ZBTB8A: variants seen among roughly 807,000 people sequenced by gnomAD.
ZBTB8A encodes the protein zinc finger and BTB domain-containing protein 8A.
ZBTB8A carries 19 observed loss-of-function variants against 37.8 expected under a neutral mutation model. The ratio of observed to expected loss-of-function variants is 0.50; its 90% CI spans 0.35 to 0.74. The LOEUF (loss-of-function observed/expected upper bound fraction) is 0.74. ZBTB8A is among the 30% of genes least tolerant of loss of function. The pLI, the probability that ZBTB8A is intolerant of heterozygous loss-of-function variation, is 0.01. For missense variants in ZBTB8A, 394 were observed against 537.8 expected (o/e 0.73, Z 2.65); for synonymous variants, 181 against 185.2 (o/e 0.98, Z 0.19).
intron 2 of ZBTB8A, among the ~76,000 whole-genome samples, chr1:32,558,945 T>G (rs1361345920): frequency 6.6e-6 from 1 of 152,176 alleles, no homozygotes; most frequent in Non-Finnish European, 1.5e-5. Flanking sequence ...TTCCTTGAAG[T>G]AGGTACTGTA....
intron 2 of ZBTB8A, among the ~76,000 whole-genome samples, chr1:32,567,842 A>T (rs1234644378): frequency 7.0e-6 from 1 of 143,448 alleles, no homozygotes; most frequent in African/African-American, 2.6e-5. Context: ...AAACAAAACA[A>T]AAAAAAGATA....
chr1:32,597,780 C>T (rs1012253823), intron 4 of ZBTB8A, among the ~76,000 whole-genome samples: 2 of 152,146 alleles, frequency 1.3e-5, no homozygotes, highest in African/African-American at 2.4e-5. Flanking sequence ...GACAGAGTCT[C>T]GTTCTGTCAT....
rs987074406 is a variant in ZBTB8A at position 32,605,745 on chromosome 1, C to G, written c.*5326C>G. 6.9e-6 allele frequency: 1 copy of G among 145,848 alleles called. No homozygotes were observed. The highest frequency in any genetic ancestry group is 2.7e-5 in the African/African-American group (1 of 37,122). 9.0% of individuals were successfully genotyped at this position (145,848 alleles called of 1,614,324 possible). A position where few individuals can be genotyped will look rare whatever the true frequency, so the allele number is the denominator to read the frequency against. On this transcript the variant is annotated 3_prime_UTR_variant, in exon 5 of 5. Coordinates refer to ENST00000373510, the MANE Select transcript of ZBTB8A (RefSeq NM_001040441.3). ...AAAAAAAAAAAGAACCTAAGACAACCCAGTGAAATGGTAGCAAAAAATAGG... is the reference window on the plus strand; with the variant it reads ...AAAAAAAAAAAGAACCTAAGACAACGCAGTGAAATGGTAGCAAAAAATAGG...
intron 1 of ZBTB8A, among the ~76,000 whole-genome samples, chr1:32,547,828 C>CAAAAAA (rs1194254576): frequency 3.2e-3 from 96 of 30,392 alleles, no homozygotes; most frequent in East Asian, 4.1e-3. Flanking sequence ...ACAAACAAAG[C>CAAAAAA]AAAAAAAAAA....
At chr1:32,549,642 TC>T (rs1332877711) in intron 1 of ZBTB8A, among the ~76,000 whole-genome samples, 1 of 152,046 alleles carries the variant, frequency 6.6e-6, no homozygotes, top group Non-Finnish European at 1.5e-5. Flanking sequence ...AGTGGGAGGA[TC>T]CCCTTGAGCC....
Position 32,605,610 on chromosome 1 carries a change from C to T in ZBTB8A, c.*5191C>T, listed in dbSNP as rs1321010045. The T allele has an allele frequency of 6.9e-6, 1 of 145,030 alleles. No homozygotes were observed. The highest frequency in any genetic ancestry group is 2.6e-5 in the African/African-American group (1 of 38,706). The allele number at this position is 145,030 out of a possible 1,614,324, so 9.0% of individuals were successfully genotyped here. On this transcript the variant is annotated 3_prime_UTR_variant, in exon 5 of 5. Transcript: ENST00000373510. ...ATCCCAGCTACTCTGGGGGCTGAGA[C>T]AGGAGAATTGCTTGAACTCAGGAGG...
At chr1:32,551,006 G>A (rs1012322713) in intron 1 of ZBTB8A, among the ~76,000 whole-genome samples, 7 of 150,958 alleles carry the variant, frequency 4.6e-5, no homozygotes, top group South Asian at 2.1e-4. Flanking sequence ...CACCCAGTAC[G>A]CTGGACAGTA....
At chr1:32,576,998 T>C (rs1644365609) in intron 2 of ZBTB8A, among the ~76,000 whole-genome samples, 1 of 148,904 alleles carries the variant, frequency 6.7e-6, no homozygotes, top group Non-Finnish European at 1.5e-5. Context: ...TAAGCCTCCC[T>C]AGTAGCTGGG....
At position 32,593,064 on chromosome 1, in the gene ZBTB8A, A is replaced by G. The variant is rs1179439166; in HGVS notation, c.133A>G (p.Ser45Gly). ...AGCACATCGAAATGTATTATTCGCT[A>G]GTAGCGGCTACTTTAAAATGCTTCT... ...FKAHRNVLFA[S>G]SGYFKMLLSQ... Residue 45 changes from serine to glycine, a missense_variant, in exon 3 of 5, where the codon AGT becomes GGT. Around this residue, in one of 4 missense-constraint regions of ZBTB8A, gnomAD observed 96 missense variants for 165.6 expected, o/e 0.58. Coordinates refer to ENST00000373510, the MANE Select transcript of ZBTB8A (RefSeq NM_001040441.3). 1.2e-6 allele frequency: 2 copies of G among 1,614,090 alleles called. No individual in the cohort carries two copies. The highest frequency in any genetic ancestry group is 1.7e-6 in the Non-Finnish European group (2 of 1,180,050).
At position 32,583,478 on chromosome 1, in the gene ZBTB8A, A is replaced by G. The variant is rs113716244; in HGVS notation, c.-1-9453A>G. Among the ~76,000 whole-genome samples, 452 of 152,114 alleles carry G rather than the reference A, an allele frequency of 3.0e-3. 1 individual carries two copies. Among genetic ancestry groups the G allele is most frequent in the African/African-American group, 0.01 (429 of 41,488 alleles). ...ATAGTCTCACTCATAGGTTAAGACTAGATTAGATTATTCCAGTAATACAAA... is the reference window on the plus strand; with the variant it reads ...ATAGTCTCACTCATAGGTTAAGACTGGATTAGATTATTCCAGTAATACAAA... On this transcript the variant is annotated intron_variant, in intron 2 of 4. Transcript: ENST00000373510.
chr1:32,571,353 G>A (rs958060424), intron 2 of ZBTB8A, among the ~76,000 whole-genome samples: 1 of 152,218 alleles, frequency 6.6e-6, no homozygotes, highest in Non-Finnish European at 1.5e-5. Flanking sequence ...ATGGCCTTTA[G>A]CAGCTGAGGA....
At chr1:32,561,037 C>T (rs1319325010) in intron 2 of ZBTB8A, among the ~76,000 whole-genome samples, 3 of 151,980 alleles carry the variant, frequency 2.0e-5, no homozygotes, top group South Asian at 2.1e-4. Flanking sequence ...AATACTAAAT[C>T]GCCTCTCTCC....
intron 2 of ZBTB8A, among the ~76,000 whole-genome samples, chr1:32,555,908 T>A (rs993657306): frequency 2.0e-5 from 3 of 151,960 alleles, no homozygotes; most frequent in African/African-American, 7.2e-5. Context: ...AAAAATTTAA[T>A]TTTAATTTAA....
At chr1:32,554,959 A>C (rs1183931971) in intron 2 of ZBTB8A, among the ~76,000 whole-genome samples, 1 of 152,210 alleles carries the variant, frequency 6.6e-6, no homozygotes, top group African/African-American at 2.4e-5. Context: ...GCCTAGAAAC[A>C]TGAGTTACTT....
chr1:32,548,877 A>G (rs897772347), intron 1 of ZBTB8A, among the ~76,000 whole-genome samples: 2 of 152,212 alleles, frequency 1.3e-5, no homozygotes, highest in Non-Finnish European at 2.9e-5. Context: ...GTATTAGTCC[A>G]TGCTCTCATT....
chr1:32,561,930 G>C (rs1267776769), intron 2 of ZBTB8A, among the ~76,000 whole-genome samples: 5 of 151,992 alleles, frequency 3.3e-5, no homozygotes, highest in Non-Finnish European at 1.5e-5. Context: ...GTGGAAGGAG[G>C]TGGTACATAC....
chr1:32,568,990 G>A (rs1237641000), intron 2 of ZBTB8A, among the ~76,000 whole-genome samples: 2 of 152,110 alleles, frequency 1.3e-5, no homozygotes, highest in South Asian at 2.1e-4. Flanking sequence ...ACCTAGGAGT[G>A]GAACTGCCAG....
chr1:32,546,647 G>A (rs1644106750), intron 1 of ZBTB8A, among the ~76,000 whole-genome samples: 2 of 152,108 alleles, frequency 1.3e-5, no homozygotes, highest in South Asian at 4.2e-4. Context: ...TTTAAAAAAG[G>A]AAAATATACT....
At chr1:32,577,993 T>C (rs1273989264) in intron 2 of ZBTB8A, among the ~76,000 whole-genome samples, 1 of 152,058 alleles carries the variant, frequency 6.6e-6, no homozygotes, top group Non-Finnish European at 1.5e-5. Flanking sequence ...AACTTCCACC[T>C]CCTGGGTTCA....
Sources: gnomAD v4.1 joint callset for allele counts (sites outside exome capture counted in the v4.1 genomes callset) on GRCh38, gnomAD v4.1.1 for gene constraint, gnomAD v4.1.1 regional missense constraint, MANE v1.5 for transcripts, NCBI Gene and HGNC (gene_info 2026-07-23, HGNC 2026-07-21) for gene names.